ZDHHC11B: variants seen among roughly 807,000 people sequenced by gnomAD.
ZDHHC11B encodes zDHHC palmitoyltransferase 11B (putative).
In ZDHHC11B, 17 loss-of-function variants were observed where a neutral mutation model predicts 42.3. The observed-to-expected ratio is 0.40, with a 90% CI of 0.27 to 0.60. ZDHHC11B has a LOEUF of 0.60. ZDHHC11B is among the 20% of genes least tolerant of loss of function. The probability of loss-of-function intolerance (pLI) is 0.41; values close to 1 mark genes in which losing one functional copy is unlikely to be tolerated. For synonymous variants in ZDHHC11B, 123 were observed against 193.5 expected (o/e 0.64, Z 3.02); for missense variants, 262 against 463.2 (o/e 0.57, Z 3.99).
Position 766,734 on chromosome 5 carries a change from G to A in ZDHHC11B, c.186C>T (p.Pro62=), listed in dbSNP as rs754567912. The A allele has an allele frequency of 3.1e-6, 5 of 1,611,682 alleles. No individual in the cohort carries two copies. In the African/African-American group the frequency reaches 5.3e-5, roughly 17 times the overall value. ...LSLATFRIFI[P]LLPHSWKYIA... ...TGTATTTCCACGAGTGAGGCAGGAG[G>A]GGAATGAAGATCCTGAAGGTGGCCA... Residue 62 remains proline (P), a synonymous_variant, in exon 4 of 14, where the codon CCC becomes CCT. Coordinates refer to ENST00000508859, the MANE Select transcript of ZDHHC11B (RefSeq NM_001351303.2).
intron 11 of ZDHHC11B, among the ~76,000 whole-genome samples, chr5:731,153 C>T (rs866821369): frequency 2.6e-5 from 4 of 151,462 alleles, no homozygotes; most frequent in Admixed American, 6.6e-5. Context: ...CCAAACTGCT[C>T]GCCAATGTGG....
intron 12 of ZDHHC11B, 22 bp downstream of exon 12, chr5:730,412 C>G: frequency 6.3e-7 from 1 of 1,576,034 alleles, no homozygotes; most frequent in Non-Finnish European, 8.6e-7. Context: ...ATAAAACGTT[C>G]CCATTAAACT....
At chr5:758,168 G>T (rs763995431) in intron 4 of ZDHHC11B, among the ~76,000 whole-genome samples, 2 of 151,994 alleles carry the variant, frequency 1.3e-5, no homozygotes, top group Admixed American at 6.6e-5. Flanking sequence ...AGCTCGTCTG[G>T]AGCCTTGGGA....
intron 4 of ZDHHC11B, among the ~76,000 whole-genome samples, chr5:760,100 C>T (rs1734398510): frequency 4.6e-5 from 7 of 151,700 alleles, no homozygotes; most frequent in Admixed American, 4.6e-4. Context: ...GGTTCACCTA[C>T]CAGAGAGCAG....
chr5:741,847 A>G (rs1433874433), intron 9 of ZDHHC11B, among the ~76,000 whole-genome samples: 1 of 135,170 alleles, frequency 7.4e-6, no homozygotes, highest in Non-Finnish European at 1.6e-5. Context: ...TATATTAGAC[A>G]TTTATCTTTT....
intron 1 of ZDHHC11B, among the ~76,000 whole-genome samples, chr5:778,408 A>C (rs74541710): frequency 0.035 from 4,373 of 123,668 alleles, 28 homozygotes; most frequent in South Asian, 0.045. Flanking sequence ...GCGGCTCTCA[A>C]GGGAGGCACA....
rs545217044 is a variant in ZDHHC11B at position 777,837 on chromosome 5, C to T, written c.-230+6831G>A. Among the ~76,000 whole-genome samples the T allele has an allele frequency of 4.1e-3, 623 of 151,756 alleles. 9 individuals carry two copies. Among genetic ancestry groups the T allele is most frequent in the African/African-American group, 0.014 (584 of 41,176 alleles). On this transcript the variant is annotated intron_variant, in intron 1 of 13. Transcript: ENST00000508859. The stretch of plus-strand genomic sequence containing the variant: ...TGCGCCACGCGCCCGCACTCCTCAG[C>T]CCTTGGGCGGTCCATGGGACCCGGC...
intron 10 of ZDHHC11B, among the ~76,000 whole-genome samples, chr5:741,012 C>G (rs1744103745): frequency 1.2e-5 from 1 of 82,156 alleles, no homozygotes; most frequent in South Asian, 5.1e-4. Flanking sequence ...GAGAAGTCAT[C>G]AGAGAGTCTG....
intron 4 of ZDHHC11B, among the ~76,000 whole-genome samples, chr5:756,524 A>C (rs1733872173): frequency 6.6e-6 from 1 of 151,244 alleles, no homozygotes; most frequent in Non-Finnish European, 1.5e-5. Context: ...TCCCTGTTGG[A>C]CACAGGGCAA....
chr5:769,785 C>T, intron 1 of ZDHHC11B, among the ~76,000 whole-genome samples: 1 of 151,950 alleles, frequency 6.6e-6, no homozygotes, highest in Non-Finnish European at 1.5e-5. Flanking sequence ...GACTGCTTTC[C>T]AGATTCAAGG....
intron 8 of ZDHHC11B, among the ~76,000 whole-genome samples, chr5:746,686 TG>T (rs1162794090): frequency 6.7e-6 from 1 of 150,356 alleles, no homozygotes; most frequent in African/African-American, 2.4e-5. Flanking sequence ...CACACTTGTT[TG>T]TGTCTCATTC....
chr5:764,796 C>G (rs879936779), intron 4 of ZDHHC11B, among the ~76,000 whole-genome samples: 6 of 151,952 alleles, frequency 3.9e-5, no homozygotes, highest in Non-Finnish European at 5.9e-5. Context: ...GTGTGGGAGC[C>G]ACTAGGTGAA....
chr5:777,325 T>C (rs1172980055), intron 1 of ZDHHC11B, among the ~76,000 whole-genome samples: 1 of 151,652 alleles, frequency 6.6e-6, no homozygotes. Flanking sequence ...CAGTGGTGAG[T>C]GTTACTTACG....
chr5:730,427 A>G lies in ZDHHC11B; in HGVS notation c.1058+7T>C, dbSNP rs1267719852. ...ATAAAACGTTCCCATTAAACTTACG[A>G]ACTTACCCAAGTGTAGATGTACTCG... On this transcript the variant is annotated splice_region_variant and intron_variant, in intron 12 of 13. Coordinates refer to ENST00000508859, the MANE Select transcript of ZDHHC11B (RefSeq NM_001351303.2). 6.3e-7 allele frequency: 1 copy of G among 1,579,218 alleles called. No individual in the cohort carries two copies. The highest frequency in any genetic ancestry group is 1.4e-5 in the African/African-American group (1 of 72,882).
intron 10 of ZDHHC11B, among the ~76,000 whole-genome samples, chr5:734,078 A>T (rs1470769128): frequency 4.2e-5 from 6 of 143,730 alleles, no homozygotes; most frequent in Non-Finnish European, 7.6e-5. Context: ...GACAATGCAA[A>T]GCAGTCCCTC....
At chr5:737,421 A>G (rs1406954252) in intron 10 of ZDHHC11B, among the ~76,000 whole-genome samples, 1 of 149,492 alleles carries the variant, frequency 6.7e-6, no homozygotes, top group Admixed American at 6.8e-5. Context: ...ATTACAAAAG[A>G]TAAGAGGGAA....
intron 1 of ZDHHC11B, among the ~76,000 whole-genome samples, chr5:777,543 G>C (rs900854132): frequency 2.0e-5 from 3 of 151,888 alleles, no homozygotes; most frequent in South Asian, 2.1e-4. Flanking sequence ...AGAGAATGGA[G>C]TCAGGTTGCG....
intron 11 of ZDHHC11B, among the ~76,000 whole-genome samples, chr5:732,988 T>C (rs1292187367): frequency 6.6e-6 from 1 of 151,732 alleles, no homozygotes; most frequent in East Asian, 1.9e-4. Flanking sequence ...GCCCAGGAGT[T>C]GGAGGCTGCA....
intron 1 of ZDHHC11B, among the ~76,000 whole-genome samples, chr5:775,965 C>T (rs1287272805): frequency 7.0e-6 from 1 of 141,954 alleles, no homozygotes; most frequent in Admixed American, 7.0e-5. Flanking sequence ...TGCCAGGAAC[C>T]CCTGGGGGTC....
Sources: allele counts gnomAD v4.1 joint callset (sites outside exome capture counted in the v4.1 genomes callset), GRCh38; gene constraint gnomAD v4.1.1; transcripts MANE v1.5; gene names NCBI Gene and HGNC (gene_info 2026-07-23, HGNC 2026-07-21).